The following RETREG2 variants were observed in gnomAD, a reference collection of about 807,000 sequenced individuals.
The protein encoded by RETREG2 is reticulophagy regulator family member 2, also known as reticulophagy regulator 2.
Under a neutral mutation model 51.6 loss-of-function variants are expected in RETREG2, and 21 were observed. The observed-to-expected ratio is 0.41, with a 90% confidence interval of 0.29 to 0.59. The LOEUF is 0.59. Ranked by LOEUF, RETREG2 falls within the 20% of genes least tolerant of loss-of-function variation. The pLI is 0.34. For missense variants in RETREG2, 674 were observed against 646.0 expected (o/e 1.04, Z -0.47); for synonymous variants, 339 against 288.6 (o/e 1.17, Z -1.77).
Position 219,182,758 on chromosome 2 carries a change from T to G in RETREG2, c.*129T>G. The G allele has an allele frequency of 9.3e-7, 1 of 1,079,484 alleles. No homozygotes were observed. Among genetic ancestry groups the G allele is most frequent in the Non-Finnish European group, 1.3e-6 (1 of 753,554 alleles). 66.9% of individuals were successfully genotyped at this position (1,079,484 alleles called of 1,614,324 possible). The stretch of plus-strand genomic sequence containing the variant: ...GAAGCTGGCTGTCGGATGGTAGCTA[T>G]TCCACCCTCTGCCTGCCTGCCTGCC... On this transcript the variant is annotated 3_prime_UTR_variant, in exon 9 of 9. Transcript: ENST00000430297.
In RETREG2 at chr2:219,178,965, G is replaced by T. The variant is rs1559219733; in HGVS notation, c.325G>T (p.Val109Phe). Residue 109 changes from valine (V) to phenylalanine (F), a missense_variant, in exon 2 of 9, where the codon GTC (valine) becomes TTC (phenylalanine). Coordinates refer to ENST00000430297, the MANE Select transcript of RETREG2 (RefSeq NM_024293.6). ...CCTCCGGCCCTTCTTCCTACTCAGCGTCTCACTTTTGGCCTATTTTCTGCT... is the reference window on the plus strand; with the variant it reads ...CCTCCGGCCCTTCTTCCTACTCAGCTTCTCACTTTTGGCCTATTTTCTGCT... ...SSLRPFFLLSVSLLAYFLLDL... is the reference protein window; with the variant it reads ...SSLRPFFLLSFSLLAYFLLDL... The T allele has an allele frequency of 4.3e-6, 7 of 1,614,042 alleles. No homozygotes were observed. The highest frequency in any genetic ancestry group is 5.9e-6 in the Non-Finnish European group (7 of 1,179,974).
At chr2:219,179,987 C>G in intron 3 of RETREG2, 123 bp from the exon 4 acceptor site, 2 of 1,375,084 alleles carry the variant, frequency 1.5e-6, no homozygotes, top group Admixed American at 1.9e-5. Flanking sequence ...AGGACAGCCT[C>G]CTTTTGAGAG....
intron 3 of RETREG2, 158 bp downstream of exon 3, chr2:219,179,921 G>C (rs746835365): frequency 8.9e-7 from 1 of 1,126,422 alleles, no homozygotes; most frequent in Non-Finnish European, 1.3e-6. Flanking sequence ...AGGTGTTTGC[G>C]TGCCTGCTCC....
At chr2:219,179,609 C>T in intron 2 of RETREG2, 124 bp from the exon 3 acceptor site, 1 of 841,112 alleles carries the variant, frequency 1.2e-6, no homozygotes, top group South Asian at 1.4e-5. Flanking sequence ...CATGTAACAG[C>T]TCCCCCATTG....
chr2:219,179,034 T>C lies in RETREG2; in HGVS notation c.388+6T>C. The C allele has an allele frequency of 6.3e-7, 1 of 1,596,498 alleles. No homozygotes were observed. Among genetic ancestry groups the C allele is most frequent in the Non-Finnish European group, 8.6e-7 (1 of 1,164,204 alleles). On this transcript the variant is annotated splice_donor_region_variant and intron_variant, in intron 2 of 8. Transcript: ENST00000430297. ...CTTTCTCCCTGACGTTTCAGGTGAG[T>C]GTTTCTTCATTCAGTAAGCACCCAT...
At position 219,178,568 on chromosome 2, in the gene RETREG2, G is replaced by A. The variant is rs1574780173; in HGVS notation, c.216G>A (p.Arg72=). 6.9e-7 allele frequency: 1 copy of A among 1,458,478 alleles called. No individual in the cohort carries two copies. The highest frequency in any genetic ancestry group is 2.9e-5 in the East Asian group (1 of 34,716). 90.3% of individuals were successfully genotyped at this position (1,458,478 alleles called of 1,614,324 possible). Residue 72 remains arginine, a synonymous_variant, in exon 1 of 9, where the codon CGG becomes CGA. Transcript: ENST00000430297. ...GWEAVLAAAQ[R]LLVWEKPLHS... is the part of the protein sequence containing the mutation. ...AGGCGGTGCTGGCGGCGGCGCAGCGGTTGCTGGTGTGGGAGAAGCCGCTGC... is the reference window on the plus strand; with the variant it reads ...AGGCGGTGCTGGCGGCGGCGCAGCGATTGCTGGTGTGGGAGAAGCCGCTGC...
rs561858322 is a variant in RETREG2, at chr2:219,184,322, G to A, written c.*1693G>A. 1 of 152,312 alleles carries A rather than the reference G, an allele frequency of 6.6e-6. No individual in the cohort carries two copies. The highest frequency in any genetic ancestry group is 2.4e-5 in the African/African-American group (1 of 41,548). The allele number at this position is 152,312 out of a possible 1,614,324, so 9.4% of individuals were successfully genotyped here. ...CAGATGGCCTCCTTTATGAGTTCAT[G>A]TCCTCCGCCTTCAGCTGGAGGTACC... On this transcript the variant is annotated 3_prime_UTR_variant, in exon 9 of 9. Coordinates refer to ENST00000430297, the MANE Select transcript of RETREG2 (RefSeq NM_024293.6).
Position 219,184,807 on chromosome 2 carries a change from G to GT in RETREG2, c.*2184dup, listed in dbSNP as rs1950327374. ...CTATTCTTTTGTTGTTGTTGTTTTG[G>GT]TTTTTTGTTTTTTGTGGGTTTTTTT... On this transcript the variant is annotated 3_prime_UTR_variant, in exon 9 of 9. Coordinates refer to ENST00000430297, the MANE Select transcript of RETREG2 (RefSeq NM_024293.6). The GT allele has an allele frequency of 7.2e-6, 1 of 139,578 alleles. No individual in the cohort carries two copies. The allele number at this position is 139,578 out of a possible 1,614,324, so 8.6% of individuals were successfully genotyped here.
rs1368017290 is a variant in RETREG2 at position 219,182,646 on chromosome 2, G to C, written c.*17G>C. The C allele has an allele frequency of 6.2e-7, 1 of 1,611,324 alleles. No individual in the cohort carries two copies. The highest frequency in any genetic ancestry group is 8.5e-7 in the Non-Finnish European group (1 of 1,178,216). ...GAGCCATGAGCCAGCCGTTGAGGAA[G>C]GAGCTGCAGGCACAGTAGGGCTTCC... On this transcript the variant is annotated 3_prime_UTR_variant, in exon 9 of 9. Transcript: ENST00000430297.
intron 4 of RETREG2, 103 bp from the exon 5 acceptor site, chr2:219,180,567 A>G: frequency 1.3e-6 from 2 of 1,585,700 alleles, no homozygotes; most frequent in South Asian, 2.3e-5. Flanking sequence ...CCATTCCTTG[A>G]GTACATACCC....
In RETREG2 at chr2:219,178,621, A is replaced by G. The variant is rs1186201678; in HGVS notation, c.269A>G (p.Asn90Ser). 9.8e-6 allele frequency: 14 copies of G among 1,422,048 alleles called. No individual in the cohort carries two copies. The highest frequency in any genetic ancestry group is 3.0e-5 in the African/African-American group (2 of 65,900). The allele number at this position is 1,422,048 out of a possible 1,614,324, so 88.1% of individuals were successfully genotyped here. The change falls in exon 1 of 9, where the codon AAC becomes AGC. Residue 90 changes from asparagine to serine, a missense_variant. By Grantham distance (46) the Asn-to-Ser change is conservative. Transcript: ENST00000430297. ...LHSLVTAAAL[N>S]GLFWLLSSSS... Reference sequence around the variant, plus strand: ...AGCCTGGTCACGGCGGCCGCGCTCAACGGCCTCTTCTGGTAACGGCCGCGG... The same window carrying G: ...AGCCTGGTCACGGCGGCCGCGCTCAGCGGCCTCTTCTGGTAACGGCCGCGG...
Position 219,181,193 on chromosome 2 carries a change from CACG to C in RETREG2, c.775_777del (p.Asp259del), listed in dbSNP as rs765339519. On this transcript the variant is annotated inframe_deletion, in exon 6 of 9. Coordinates refer to ENST00000430297, the MANE Select transcript of RETREG2 (RefSeq NM_024293.6). ...AGAAGCCAATGCCCTGCATCACAAA[CACG>C]ACAAGAGGAGTAAGGGGCTGCCCTA... The C allele has an allele frequency of 1.6e-5, 26 of 1,614,008 alleles. No individual in the cohort carries two copies. The highest frequency in any genetic ancestry group is 1.6e-4 in the Middle Eastern group (1 of 6,070).
rs757354652 is a variant in RETREG2 at position 219,178,893 on chromosome 2, C to T, written c.282-29C>T. 3.3e-6 allele frequency: 5 copies of T among 1,507,208 alleles called. No individual in the cohort carries two copies. In the Admixed American group the frequency reaches 6.9e-5, roughly 21 times the overall value. 93.4% of individuals were successfully genotyped at this position (1,507,208 alleles called of 1,614,324 possible). A position where few individuals can be genotyped will look rare whatever the true frequency, so the allele number is the denominator to read the frequency against. ...GATGCATGAGCCTGTCTCACCCACT[C>T]ACTGCTGAGGTGCCTGTCTCTCCCT... On this transcript the variant is annotated intron_variant, in intron 1 of 8. Transcript: ENST00000430297.
Position 219,182,292 on chromosome 2 carries a change from C to T in RETREG2, c.1295C>T (p.Thr432Ile). 6.2e-7 allele frequency: 1 copy of T among 1,614,160 alleles called. No individual in the cohort carries two copies. Among genetic ancestry groups the T allele is most frequent in the South Asian group, 1.1e-5 (1 of 91,090 alleles). ...TGCTCCCCTGGAGGACCAGTGGAGA[C>T]ACTGAGCCCCGAGACAGTGAGTGGT... is the stretch of plus-strand genomic sequence containing the variant. ...VKCSPGGPVETLSPETVSGGL... is the reference protein window; with the variant it reads ...VKCSPGGPVEILSPETVSGGL... Residue 432 changes from threonine (T) to isoleucine (I), a missense_variant, in exon 9 of 9, where the codon ACA (threonine) becomes ATA (isoleucine). Coordinates refer to ENST00000430297, the MANE Select transcript of RETREG2 (RefSeq NM_024293.6).
Position 219,182,693 on chromosome 2 carries a change from CCT to C in RETREG2, c.*66_*67del. On this transcript the variant is annotated 3_prime_UTR_variant, in exon 9 of 9. Transcript: ENST00000430297. Reference sequence around the variant, plus strand: ...TTCCTGGCTAGGAGTGTTGCTGTTTCCTCCTTTGCCTACCACTCTGGGGTGGG... The same window carrying C: ...TTCCTGGCTAGGAGTGTTGCTGTTTCCCTTTGCCTACCACTCTGGGGTGGG... 1 of 1,567,264 alleles carries C rather than the reference CCT, an allele frequency of 6.4e-7. No individual in the cohort carries two copies. Among genetic ancestry groups the C allele is most frequent in the Non-Finnish European group, 8.7e-7 (1 of 1,153,812 alleles).
In RETREG2 at chr2:219,180,666, G is replaced by A. The variant is rs1264426995; in HGVS notation, c.556-4G>A. ...TGTTCTTAGACTTTTGCTCTTCTCTGCAGTTCTGCGTTCGAGTCTGCTCTG... is the reference window on the plus strand; with the variant it reads ...TGTTCTTAGACTTTTGCTCTTCTCTACAGTTCTGCGTTCGAGTCTGCTCTG... On this transcript the variant is annotated splice_region_variant and splice_polypyrimidine_tract_variant and intron_variant, in intron 4 of 8. Coordinates refer to ENST00000430297, the MANE Select transcript of RETREG2 (RefSeq NM_024293.6). The A allele has an allele frequency of 6.2e-7, 1 of 1,614,112 alleles. No homozygotes were observed. The highest frequency in any genetic ancestry group is 1.7e-5 in the Admixed American group (1 of 60,028).
chr2:219,178,718 C>T, intron 1 of RETREG2, 85 bp downstream of exon 1: 9 of 1,373,720 alleles, frequency 6.6e-6, no homozygotes, highest in Non-Finnish European at 8.6e-6. Flanking sequence ...TGGGTTATCA[C>T]TTGGCCTGGG....
intron 8 of RETREG2, 98 bp downstream of exon 8, chr2:219,181,873 C>G: frequency 6.4e-7 from 1 of 1,558,550 alleles, no homozygotes; most frequent in Non-Finnish European, 8.7e-7. Context: ...CTCTCTAATT[C>G]TCTCAGCTCC....
chr2:219,183,727 T>C lies in RETREG2; in HGVS notation c.*1098T>C, dbSNP rs1223700330. ...TGAATAAAGTATATGCAGGAGGAAATTGCTTTGTCTTCCCAATCGGTAGAA... is the reference window on the plus strand; with the variant it reads ...TGAATAAAGTATATGCAGGAGGAAACTGCTTTGTCTTCCCAATCGGTAGAA... On this transcript the variant is annotated 3_prime_UTR_variant, in exon 9 of 9. Coordinates refer to ENST00000430297, the MANE Select transcript of RETREG2 (RefSeq NM_024293.6). 1 of 152,236 alleles carries C rather than the reference T, an allele frequency of 6.6e-6. No individual in the cohort carries two copies. The highest frequency in any genetic ancestry group is 1.5e-5 in the Non-Finnish European group (1 of 68,042). The allele number at this position is 152,236 out of a possible 1,614,324, so 9.4% of individuals were successfully genotyped here.
Sources: allele counts gnomAD v4.1 joint callset, GRCh38; gene constraint gnomAD v4.1.1; transcripts MANE v1.5; gene names NCBI Gene and HGNC (gene_info 2026-07-23, HGNC 2026-07-21).